The following HDAC9 variants were observed in gnomAD, a reference collection of about 807,000 sequenced individuals.
The protein encoded by HDAC9 is histone deacetylase 9.
Under a neutral mutation model 139.4 loss-of-function variants are expected in HDAC9, and 41 were observed. The observed-to-expected ratio is 0.29, with a 90% CI of 0.23 to 0.38. The LOEUF is 0.38. Among genes scored for constraint, HDAC9 ranks in the 10% least tolerant of loss-of-function variants. The pLI, the probability that HDAC9 is intolerant of heterozygous loss-of-function variation, is 1.00. For missense variants in HDAC9, 1,147 were observed against 1,297.0 expected (o/e 0.88, Z 1.78); for synonymous variants, 517 against 476.2 (o/e 1.09, Z -1.12).
chr7:18,269,126 G>T (rs1796188565), intron 2 of HDAC9, among the ~76,000 whole-genome samples: 1 of 152,110 alleles, frequency 6.6e-6, no homozygotes. Context: ...GAAGTTCAGG[G>T]AATGTGCTGC....
At chr7:18,234,986 T>A (rs1435474678) in intron 2 of HDAC9, among the ~76,000 whole-genome samples, 1 of 152,046 alleles carries the variant, frequency 6.6e-6, no homozygotes, top group African/African-American at 2.4e-5. Context: ...CTATTTGGGA[T>A]CCCCCCAGAG....
At chr7:18,207,559 A>ATTTTTTTTTTTTTTTTTTTCTT (rs1584636090) in intron 2 of HDAC9, among the ~76,000 whole-genome samples, 1 of 37,348 alleles carries the variant, frequency 2.7e-5, no homozygotes, top group Non-Finnish European at 5.2e-5. Context: ...TTTTTTTTTG[A>ATTTTTTTTTTTTTTTTTTTCTT]TTTGAGCTTT....
chr7:18,220,926 A>G (rs1386259350), intron 2 of HDAC9, among the ~76,000 whole-genome samples: 1 of 152,128 alleles, frequency 6.6e-6, no homozygotes, highest in East Asian at 1.9e-4. Flanking sequence ...TTGTTCTCTT[A>G]TGAATATGTT....
At chr7:18,144,447 T>C (rs1032291020) in intron 1 of HDAC9, among the ~76,000 whole-genome samples, 6 of 152,166 alleles carry the variant, frequency 3.9e-5, no homozygotes, top group Non-Finnish European at 5.9e-5. Context: ...CTCTGTGGAT[T>C]TCCCTGCCCA....
At chr7:18,450,472 T>C (rs758929418) in intron 1 of HDAC9, among the ~76,000 whole-genome samples, 10 of 152,218 alleles carry the variant, frequency 6.6e-5, no homozygotes, top group African/African-American at 9.6e-5. Flanking sequence ...CTAACAGAGC[T>C]TGTAAACTTA....
chr7:18,505,156 G>A lies in HDAC9; in HGVS notation c.22+8832G>A, dbSNP rs532906597. 2.0e-5 allele frequency among the ~76,000 whole-genome samples: 3 copies of A among 152,310 alleles called. No homozygotes were observed. In the South Asian group the frequency reaches 6.2e-4, roughly 32 times the overall value. On this transcript the variant is annotated intron_variant, in intron 2 of 25. Coordinates refer to ENST00000686413, the MANE Select transcript of HDAC9 (RefSeq NM_178425.4). ...GCGTGCTCTTTTCCTTGGAGCAGATGCTCTGGACAGAAGCAGCATTCCTGA... is the reference window on the plus strand; with the variant it reads ...GCGTGCTCTTTTCCTTGGAGCAGATACTCTGGACAGAAGCAGCATTCCTGA...
chr7:18,863,928 G>A (rs905306258), intron 21 of HDAC9, among the ~76,000 whole-genome samples: 1 of 152,198 alleles, frequency 6.6e-6, no homozygotes, highest in Non-Finnish European at 1.5e-5. Flanking sequence ...CTGCTACAAT[G>A]AGCATGGGAG....
chr7:18,836,746 T>A (rs1047987678), intron 21 of HDAC9, among the ~76,000 whole-genome samples: 2 of 152,148 alleles, frequency 1.3e-5, no homozygotes, highest in Non-Finnish European at 2.9e-5. Flanking sequence ...TAAACGTTAG[T>A]CTTTCTTCAG....
chr7:18,818,325 A>G (rs942160070), intron 17 of HDAC9, among the ~76,000 whole-genome samples: 26 of 152,224 alleles, frequency 1.7e-4, no homozygotes, highest in African/African-American at 5.3e-4. Flanking sequence ...GATATGCTCA[A>G]TTAGTTTTTG....
intron 1 of HDAC9, among the ~76,000 whole-genome samples, chr7:18,345,796 C>T (rs541619412): frequency 1.3e-5 from 2 of 151,932 alleles, no homozygotes; most frequent in Non-Finnish European, 2.9e-5. Context: ...CCTATACCTT[C>T]ATTCAGCATT....
At chr7:18,491,817 C>T (rs1254642351), upstream of HDAC9, among the ~76,000 whole-genome samples, 2 of 151,878 alleles carry the variant, frequency 1.3e-5, no homozygotes, top group Non-Finnish European at 2.9e-5. Context: ...CCCGGCAGAT[C>T]GGATGGTGCC....
At chr7:18,447,599 T>G (rs1792414269) in intron 1 of HDAC9, among the ~76,000 whole-genome samples, 2 of 152,214 alleles carry the variant, frequency 1.3e-5, no homozygotes, top group South Asian at 4.1e-4. Flanking sequence ...AAATTTAATT[T>G]ATAAAGTTGA....
Position 18,719,560 on chromosome 7 carries a change from G to A in HDAC9, c.1732-8020G>A, listed in dbSNP as rs560250939. ...TCACCACGTTGGCCAGGCTTGTCTT[G>A]AACTCCTGACCTCAGGTGATCCACC... On this transcript the variant is annotated intron_variant, in intron 12 of 25. Transcript: ENST00000686413. 2.4e-4 allele frequency among the ~76,000 whole-genome samples: 36 copies of A among 152,070 alleles called. 1 individual carries two copies. In the South Asian group the frequency reaches 7.1e-3, roughly 30 times the overall value.
At chr7:18,192,170 G>C (rs1054230538) in intron 2 of HDAC9, among the ~76,000 whole-genome samples, 7 of 152,204 alleles carry the variant, frequency 4.6e-5, no homozygotes, top group African/African-American at 1.7e-4. Flanking sequence ...AAATCTACAA[G>C]TGACGGTAAA....
At chr7:18,578,328 GGAAA>G (rs1826682960) in intron 2 of HDAC9, 2 of 463,630 alleles carry the variant, frequency 4.3e-6, no homozygotes, top group African/African-American at 3.9e-5. Context: ...GTTAGCCTGC[GGAAA>G]GAAGCTCTAC....
intron 1 of HDAC9, among the ~76,000 whole-genome samples, chr7:18,469,554 G>A (rs75641509): frequency 0.013 from 1,989 of 152,252 alleles, 41 homozygotes; most frequent in African/African-American, 0.044. Flanking sequence ...TAGGTGTTCA[G>A]TAGTAACAAC....
intron 25 of HDAC9, among the ~76,000 whole-genome samples, chr7:18,981,969 G>A (rs2158495): frequency 0.19 from 28,544 of 151,806 alleles, 2,908 homozygotes; most frequent in Middle Eastern, 0.28. Context: ...AAAACAAAAC[G>A]CCTTATAGGC....
At chr7:18,699,692 G>A (rs212667) in intron 12 of HDAC9, among the ~76,000 whole-genome samples, 4,399 of 151,992 alleles carry the variant, frequency 0.029, 187 homozygotes, top group African/African-American at 0.093. Context: ...TTTCCTAAAT[G>A]GCTCTTAGAA....
In HDAC9 at chr7:18,635,050, A is replaced by G. The variant is rs1001196986; in HGVS notation, c.912+308A>G. On this transcript the variant is annotated intron_variant, in intron 8 of 25. Transcript: ENST00000686413. ...GATCTTATTTATAAATCAGACAACC[A>G]AAGATGTTTGGAAGGCAATCTGGGC... Among the ~76,000 whole-genome samples the G allele has an allele frequency of 2.0e-5, 3 of 152,006 alleles. No individual in the cohort carries two copies. The South Asian group carries it at 6.2e-4, about 31-fold the overall frequency.
Sources: gnomAD v4.1 joint callset for allele counts (sites outside exome capture counted in the v4.1 genomes callset) on GRCh38, gnomAD v4.1.1 for gene constraint, MANE v1.5 for transcripts, NCBI Gene and HGNC (gene_info 2026-07-23, HGNC 2026-07-21) for gene names.